The following CAB39L variants were observed in gnomAD, a reference collection of about 807,000 sequenced individuals.
CAB39L encodes calcium binding protein 39 like, also known as calcium-binding protein 39-like.
CAB39L carries 23 observed loss-of-function variants against 39.1 expected under a neutral mutation model. That is an observed-to-expected ratio of 0.59 (90% CI 0.42 to 0.83). The LOEUF is 0.83. Ranked by LOEUF, CAB39L falls within the 40% of genes least tolerant of loss-of-function variation. The probability of loss-of-function intolerance (pLI) is 0.00; values close to 1 mark genes in which losing one functional copy is unlikely to be tolerated. For missense variants in CAB39L, 366 were observed against 391.9 expected (o/e 0.93, Z 0.56); for synonymous variants, 126 against 137.2 (o/e 0.92, Z 0.57).
intron 1 of CAB39L, among the ~76,000 whole-genome samples, chr13:49,443,408 T>C (rs974138438): frequency 7.9e-5 from 12 of 151,372 alleles, no homozygotes; most frequent in African/African-American, 2.9e-4. Context: ...AACGCAGAAC[T>C]TGACGCCCAC....
intron 5 of CAB39L, among the ~76,000 whole-genome samples, chr13:49,364,996 T>A (rs2138520741): frequency 6.6e-6 from 1 of 152,186 alleles, no homozygotes. Context: ...AAAACCATCA[T>A]GAGCAAAAAG....
At chr13:49,414,100 C>A (rs1957041100) in intron 3 of CAB39L, 2 of 152,184 alleles carry the variant, frequency 1.3e-5, no homozygotes, top group Non-Finnish European at 2.9e-5. Flanking sequence ...TGCTTTTCTT[C>A]CAAACAAATT....
chr13:49,349,358 A>C (rs983919404), intron 7 of CAB39L, among the ~76,000 whole-genome samples: 1 of 151,766 alleles, frequency 6.6e-6, no homozygotes, highest in Admixed American at 6.6e-5. Flanking sequence ...AAAAAAAGTT[A>C]CATACGTATA....
Position 49,312,124 on chromosome 13 carries a change from G to T in CAB39L, c.835-1131C>A, listed in dbSNP as rs564069886. ...TGCCAAGGCTGGTCTCGAATTCCTG[G>T]TTTCAAACAATCCTTCCACCTTGGC... is the stretch of plus-strand genomic sequence containing the variant. On this transcript the variant is annotated intron_variant, in intron 10 of 10. Coordinates refer to ENST00000409308, the MANE Select transcript of CAB39L (RefSeq NM_001079670.3). Among the ~76,000 whole-genome samples, 417 of 152,278 alleles carry T rather than the reference G, an allele frequency of 2.7e-3. 2 individuals carry two copies. Among genetic ancestry groups the T allele is most frequent in the African/African-American group, 9.7e-3 (404 of 41,542 alleles).
Position 49,360,438 on chromosome 13 carries a change from C to T in CAB39L, c.277-606G>A, listed in dbSNP as rs76200846. Among the ~76,000 whole-genome samples the T allele has an allele frequency of 3.3e-3, 504 of 152,188 alleles. 6 individuals carry two copies. In the East Asian group the frequency reaches 0.039, roughly 12 times the overall value. The stretch of plus-strand genomic sequence containing the variant: ...AGCCTAGAGGAACAGAAGAGATCAC[C>T]GAATCAGTGAGACAGAGGAACCAGA... On this transcript the variant is annotated intron_variant, in intron 5 of 10. Coordinates refer to ENST00000409308, the MANE Select transcript of CAB39L (RefSeq NM_001079670.3).
intron 3 of CAB39L, among the ~76,000 whole-genome samples, chr13:49,427,116 G>C (rs892121245): frequency 2.0e-5 from 3 of 152,160 alleles, no homozygotes; most frequent in Non-Finnish European, 4.4e-5. Context: ...TCTTAGCTAC[G>C]GTACTCAGTT....
intron 6 of CAB39L, among the ~76,000 whole-genome samples, chr13:49,357,455 G>C (rs967435781): frequency 2.0e-5 from 3 of 152,146 alleles, no homozygotes; most frequent in Non-Finnish European, 4.4e-5. Context: ...TTAAAAGTTT[G>C]GGTTGAAAAA....
chr13:49,369,802 G>T (rs1249110840), intron 5 of CAB39L, among the ~76,000 whole-genome samples: 1 of 152,040 alleles, frequency 6.6e-6, no homozygotes, highest in East Asian at 1.9e-4. Context: ...TGGCCAGGAT[G>T]GTCTCGGGCT....
At chr13:49,440,349 T>C (rs1957489202) in intron 1 of CAB39L, among the ~76,000 whole-genome samples, 1 of 152,174 alleles carries the variant, frequency 6.6e-6, no homozygotes, top group Admixed American at 6.5e-5. Context: ...CACCATTTAT[T>C]GAATAGGAAG....
intron 10 of CAB39L, among the ~76,000 whole-genome samples, chr13:49,330,324 T>A (rs1954654541): frequency 6.6e-6 from 1 of 152,232 alleles, no homozygotes; most frequent in Non-Finnish European, 1.5e-5. Flanking sequence ...TGCCTCTTGT[T>A]AACTGGACTC....
At chr13:49,376,363 T>C (rs1216660098) in intron 5 of CAB39L, among the ~76,000 whole-genome samples, 3 of 152,238 alleles carry the variant, frequency 2.0e-5, no homozygotes, top group Non-Finnish European at 4.4e-5. Context: ...ACACAATAGA[T>C]AATAAAATGA....
chr13:49,324,658 C>G (rs904387221), intron 10 of CAB39L, among the ~76,000 whole-genome samples: 1 of 152,204 alleles, frequency 6.6e-6, no homozygotes, highest in Admixed American at 6.5e-5. Flanking sequence ...CACTTAATCT[C>G]TCAGACAGTT....
chr13:49,402,264 T>C (rs1240966569), intron 3 of CAB39L, among the ~76,000 whole-genome samples: 6 of 152,054 alleles, frequency 3.9e-5, no homozygotes, highest in African/African-American at 1.5e-4. Flanking sequence ...AATTATAGAG[T>C]AAAGTATCTT....
chr13:49,358,886 AAG>A (rs1180943065), intron 6 of CAB39L, among the ~76,000 whole-genome samples: 37 of 152,114 alleles, frequency 2.4e-4, no homozygotes, highest in Admixed American at 2.4e-3. Flanking sequence ...GAAAAGAAAA[AAG>A]AGACAAAGAA....
chr13:49,419,565 G>C (rs1225095742), intron 3 of CAB39L, among the ~76,000 whole-genome samples: 1 of 151,994 alleles, frequency 6.6e-6, no homozygotes, highest in African/African-American at 2.4e-5. Context: ...GCAACAGAGA[G>C]AAAAGAAACC....
chr13:49,420,593 T>A (rs540433284), intron 3 of CAB39L: 1 of 152,596 alleles, frequency 6.6e-6, no homozygotes, highest in East Asian at 1.9e-4. Flanking sequence ...TCCTGGACAA[T>A]AAAATGCAAG....
At position 49,357,440 on chromosome 13, in the gene CAB39L, A is replaced by G. The variant is rs141373881; in HGVS notation, c.395+2274T>C. On this transcript the variant is annotated intron_variant, in intron 6 of 10. Coordinates refer to ENST00000409308, the MANE Select transcript of CAB39L (RefSeq NM_001079670.3). Reference sequence around the variant, plus strand: ...TTTATACAAAACAGGATGTGAAGGAATGAGTTAAAAGTTTGGGTTGAAAAA... The same window carrying G: ...TTTATACAAAACAGGATGTGAAGGAGTGAGTTAAAAGTTTGGGTTGAAAAA... Among the ~76,000 whole-genome samples the G allele has an allele frequency of 5.9e-5, 9 of 152,368 alleles. No individual in the cohort carries two copies. The East Asian group carries it at 1.5e-3, about 26-fold the overall frequency.
intron 5 of CAB39L, among the ~76,000 whole-genome samples, chr13:49,361,477 C>CAAAAGAAAAAAAAAAAAAAAAAAA (rs1555256941): frequency 1.8e-5 from 1 of 54,440 alleles, no homozygotes; most frequent in Non-Finnish European, 3.0e-5. Context: ...GACTTCATCT[C>CAAAAGAAAAAAAAAAAAAAAAAAA]AAAAAAAAAA....
intron 3 of CAB39L, among the ~76,000 whole-genome samples, chr13:49,400,763 TAGAC>T (rs201921155): frequency 2.7e-3 from 383 of 141,674 alleles, no homozygotes; most frequent in African/African-American, 9.6e-3. Context: ...TTACTAACAA[TAGAC>T]AGAAAGAGAT....
Sources: allele counts gnomAD v4.1 joint callset (sites outside exome capture counted in the v4.1 genomes callset), GRCh38; gene constraint gnomAD v4.1.1; transcripts MANE v1.5; gene names NCBI Gene and HGNC (gene_info 2026-07-23, HGNC 2026-07-21).